The following DENND2A variants were observed in gnomAD, a reference collection of about 807,000 sequenced individuals.
DENND2A encodes DENN domain-containing protein 2A.
DENND2A carries 53 observed loss-of-function variants against 105.3 expected under a neutral mutation model. The ratio of observed to expected loss-of-function variants is 0.50; its 90% CI spans 0.40 to 0.63. The LOEUF is 0.63. Among genes scored for constraint, DENND2A ranks in the 30% least tolerant of loss-of-function variants. The probability of loss-of-function intolerance (pLI) is 0.00; values close to 1 mark genes in which losing one functional copy is unlikely to be tolerated. For synonymous variants in DENND2A, 522 were observed against 508.4 expected (o/e 1.03, Z -0.36); for missense variants, 1,138 against 1,279.6 (o/e 0.89, Z 1.69).
Position 140,567,413 on chromosome 7 carries a change from T to C in DENND2A, c.1592-140A>G, listed in dbSNP as rs114263117. The C allele has an allele frequency of 2.0e-3, 1,386 of 701,082 alleles. 20 individuals carry two copies. The African/African-American group carries it at 0.022, about 11-fold the overall frequency. 43.4% of individuals were successfully genotyped at this position (701,082 alleles called of 1,614,324 possible). A position where few individuals can be genotyped will look rare whatever the true frequency, so the allele number is the denominator to read the frequency against. On this transcript the variant is annotated intron_variant, in intron 8 of 19. Coordinates refer to ENST00000496613, the MANE Select transcript of DENND2A (RefSeq NM_015689.5). ...AATTGTGCCGAGCTGCAATAGGTTA[T>C]GTAATTATCAGCTCAAGTACTTTTT...
At chr7:140,543,121 CTTTT>C (rs35896324) in intron 14 of DENND2A, among the ~76,000 whole-genome samples, 1 of 139,174 alleles carries the variant, frequency 7.2e-6, no homozygotes, top group Non-Finnish European at 1.5e-5. Context: ...CTTTTCTTTT[CTTTT>C]TTTTTTTTTT....
chr7:140,581,668 G>A (rs1050189725), intron 5 of DENND2A, among the ~76,000 whole-genome samples: 3 of 152,216 alleles, frequency 2.0e-5, no homozygotes, highest in African/African-American at 7.2e-5. Context: ...CCCAGATGTG[G>A]ATGAGCAGAA....
chr7:140,588,190 C>T (rs1798866233), intron 3 of DENND2A, among the ~76,000 whole-genome samples: 1 of 152,104 alleles, frequency 6.6e-6, no homozygotes, highest in Non-Finnish European at 1.5e-5. Flanking sequence ...GGATTATACA[C>T]TGTGCCCGGC....
chr7:140,538,916 T>G (rs1232891156), intron 14 of DENND2A, among the ~76,000 whole-genome samples: 1 of 150,136 alleles, frequency 6.7e-6, no homozygotes, highest in African/African-American at 2.5e-5. Flanking sequence ...CTCTGCCTCC[T>G]AGGTTCAAGT....
intron 14 of DENND2A, among the ~76,000 whole-genome samples, chr7:140,534,519 G>A (rs533690314): frequency 6.6e-6 from 1 of 152,318 alleles, no homozygotes; most frequent in African/African-American, 2.4e-5. Context: ...GATGGAGCTT[G>A]TTTCTCTCAA....
chr7:140,566,323 C>T (rs147993781), intron 9 of DENND2A, among the ~76,000 whole-genome samples: 2 of 152,256 alleles, frequency 1.3e-5, no homozygotes, highest in African/African-American at 2.4e-5. Context: ...TGAGTCACCG[C>T]GCCTGGCCTC....
intron 1 of DENND2A, among the ~76,000 whole-genome samples, chr7:140,608,034 G>C (rs1170916174): frequency 6.6e-6 from 1 of 152,212 alleles, no homozygotes; most frequent in Non-Finnish European, 1.5e-5. Flanking sequence ...TTCTCAGGAA[G>C]TACAGCTTTT....
intron 11 of DENND2A, among the ~76,000 whole-genome samples, chr7:140,557,133 G>A (rs971439970): frequency 1.3e-5 from 2 of 152,010 alleles, no homozygotes; most frequent in Non-Finnish European, 2.9e-5. Flanking sequence ...GTCCAGTTGC[G>A]GTGGTTCATG....
intron 14 of DENND2A, among the ~76,000 whole-genome samples, chr7:140,536,165 C>T (rs1796448793): frequency 6.6e-6 from 1 of 151,986 alleles, no homozygotes. Flanking sequence ...CCAGCCTGGC[C>T]AACATAGTGA....
chr7:140,584,926 C>T (rs1458448890), intron 5 of DENND2A, among the ~76,000 whole-genome samples: 3 of 152,142 alleles, frequency 2.0e-5, no homozygotes, highest in Non-Finnish European at 2.9e-5. Context: ...AGGCTGGGTG[C>T]GGTGGCTCAT....
chr7:140,541,639 G>A (rs917188476), intron 14 of DENND2A, among the ~76,000 whole-genome samples: 8 of 152,184 alleles, frequency 5.3e-5, no homozygotes, highest in Non-Finnish European at 1.2e-4. Context: ...TGGCTTCCAG[G>A]GCTCCAACCT....
At chr7:140,526,024 C>T (rs1265576206) in intron 15 of DENND2A, among the ~76,000 whole-genome samples, 1 of 152,170 alleles carries the variant, frequency 6.6e-6, no homozygotes, top group Admixed American at 6.5e-5. Flanking sequence ...GGCTGGGATG[C>T]ATGTGTGCTG....
intron 12 of DENND2A, among the ~76,000 whole-genome samples, chr7:140,552,020 C>T (rs1039583360): frequency 3.5e-4 from 53 of 152,246 alleles, no homozygotes; most frequent in Non-Finnish European, 4.6e-4. Context: ...GTGAAGCTTA[C>T]GTGAACTTCA....
chr7:140,628,997 T>C (rs1800636980), intron 1 of DENND2A, among the ~76,000 whole-genome samples: 1 of 152,154 alleles, frequency 6.6e-6, no homozygotes, highest in Non-Finnish European at 1.5e-5. Context: ...ATAAAAGATA[T>C]AAACCCTATC....
chr7:140,581,969 GT>G (rs373264245), intron 5 of DENND2A, among the ~76,000 whole-genome samples: 22 of 146,528 alleles, frequency 1.5e-4, no homozygotes, highest in East Asian at 4.1e-4. Context: ...TTGGGCAGAT[GT>G]TTTTTTTTTT....
intron 3 of DENND2A, among the ~76,000 whole-genome samples, chr7:140,598,410 G>A (rs1799362767): frequency 1.3e-5 from 2 of 152,224 alleles, no homozygotes; most frequent in South Asian, 2.1e-4. Flanking sequence ...GGCGAAGTAA[G>A]ACTGTACGCT....
At chr7:140,596,360 A>G (rs1799282197) in intron 3 of DENND2A, among the ~76,000 whole-genome samples, 1 of 152,238 alleles carries the variant, frequency 6.6e-6, no homozygotes, top group Non-Finnish European at 1.5e-5. Context: ...GCTCCTTTGA[A>G]GACTTGAAAC....
intron 1 of DENND2A, among the ~76,000 whole-genome samples, chr7:140,607,914 T>G (rs950339664): frequency 2.8e-4 from 43 of 152,314 alleles, no homozygotes; most frequent in African/African-American, 1.0e-3. Context: ...ACCGAAGGAC[T>G]CAAAGATGAG....
chr7:140,621,842 T>A (rs941217892), intron 1 of DENND2A, among the ~76,000 whole-genome samples: 4 of 152,196 alleles, frequency 2.6e-5, no homozygotes, highest in Non-Finnish European at 5.9e-5. Flanking sequence ...GCTTGAAGAT[T>A]GGGCTGAATT....
Sources: allele counts gnomAD v4.1 joint callset (sites outside exome capture counted in the v4.1 genomes callset), GRCh38; gene constraint gnomAD v4.1.1; transcripts MANE v1.5; gene names NCBI Gene and HGNC (gene_info 2026-07-23, HGNC 2026-07-21).